Variants in KPNA5 observed in about 807,000 individuals in gnomAD.
The protein encoded by KPNA5 is karyopherin subunit alpha 5, also known as importin subunit alpha-6.
A neutral mutation model predicts 71.3 loss-of-function variants in KPNA5; 46 were observed. The ratio of observed to expected loss-of-function variants is 0.65; its 90% confidence interval spans 0.51 to 0.83. KPNA5 has a LOEUF of 0.83. Ranked by LOEUF, KPNA5 falls within the 40% of genes least tolerant of loss-of-function variation. The pLI, the probability that KPNA5 is intolerant of heterozygous loss-of-function variation, is 0.00. For missense variants in KPNA5, 547 were observed against 628.3 expected, an observed-to-expected ratio of 0.87 and a Z score of 1.38; for synonymous variants, 207 against 201.4, an observed-to-expected ratio of 1.03 and a Z score of -0.24.
At chr6:116,701,456 G>C (rs1778227520) in intron 5 of KPNA5, among the ~76,000 whole-genome samples, 1 of 152,036 alleles carries the variant, frequency 6.6e-6, no homozygotes, top group African/African-American at 2.4e-5. Context: ...ACTTCTCAGA[G>C]ACTCTGCAGC....
intron 13 of KPNA5, among the ~76,000 whole-genome samples, chr6:116,731,302 G>A (rs1562458119): frequency 6.6e-6 from 1 of 151,880 alleles, no homozygotes; most frequent in African/African-American, 2.4e-5. Flanking sequence ...TAACATCACT[G>A]GATAAGACAT....
At chr6:116,681,760 C>G (rs1341653043) in intron 1 of KPNA5, among the ~76,000 whole-genome samples, 1 of 152,136 alleles carries the variant, frequency 6.6e-6, no homozygotes, top group African/African-American at 2.4e-5. Context: ...TCCCGAGGGC[C>G]TCCTAGCCTC....
rs952899703 is a variant in KPNA5, at chr6:116,714,275, C to T, written c.657-1944C>T. Among the ~76,000 whole-genome samples, 6 of 152,248 alleles carry T rather than the reference C, an allele frequency of 3.9e-5. No individual in the cohort carries two copies. The South Asian group carries it at 6.2e-4, about 16-fold the overall frequency. Reference sequence around the variant, plus strand: ...TATAAAGCCTCTATTCCTTGTCATGCGTGGTCTCTGAAATCTCTTTTCCCT... The same window carrying T: ...TATAAAGCCTCTATTCCTTGTCATGTGTGGTCTCTGAAATCTCTTTTCCCT... On this transcript the variant is annotated intron_variant, in intron 7 of 13. Transcript: ENST00000368564.
intron 8 of KPNA5, among the ~76,000 whole-genome samples, chr6:116,718,266 CTTT>C (rs555910312): frequency 2.2e-5 from 3 of 138,008 alleles, no homozygotes; most frequent in Non-Finnish European, 1.6e-5. Flanking sequence ...TTTTTTTTTT[CTTT>C]TTTTTTTTTT....
At chr6:116,693,323 C>A (rs958394104) in intron 4 of KPNA5, among the ~76,000 whole-genome samples, 12 of 152,204 alleles carry the variant, frequency 7.9e-5, no homozygotes, top group South Asian at 6.2e-4. Flanking sequence ...TGACTTCCAC[C>A]ATGGTTGAAC....
chr6:116,717,891 C>A (rs543117221), intron 8 of KPNA5, among the ~76,000 whole-genome samples: 18 of 152,188 alleles, frequency 1.2e-4, no homozygotes, highest in African/African-American at 3.9e-4. Context: ...GTGTGCCCCC[C>A]CCACCGCCAG....
At chr6:116,706,861 A>G (rs1778461523) in intron 7 of KPNA5, among the ~76,000 whole-genome samples, 1 of 152,008 alleles carries the variant, frequency 6.6e-6, no homozygotes, top group South Asian at 2.1e-4. Flanking sequence ...AAAAATTTTC[A>G]GCTTAAAAAA....
Position 116,689,337 on chromosome 6 carries a change from G to C in KPNA5, c.22G>C (p.Gly8Arg). Reference sequence around the variant, plus strand: ...CCTTTAAGATGCCATGGCTAGTCCAGGGAAAGATAACTATAGAATGAAAAG... The same window carrying C: ...CCTTTAAGATGCCATGGCTAGTCCACGGAAAGATAACTATAGAATGAAAAG... Reference protein sequence around the residue: MDAMASPGKDNYRMKSYK... With the variant: MDAMASPRKDNYRMKSYK... The change falls in exon 2 of 14, where the codon GGG (glycine) becomes CGG (arginine). Residue 8 changes from glycine to arginine, a missense_variant. Physicochemically the swap from Gly to Arg is moderately radical, Grantham distance 125. Coordinates refer to ENST00000368564, the MANE Select transcript of KPNA5 (RefSeq NM_001366306.2). The C allele has an allele frequency of 6.2e-7, 1 of 1,603,348 alleles. No homozygotes were observed. Among genetic ancestry groups the C allele is most frequent in the Non-Finnish European group, 8.5e-7 (1 of 1,177,156 alleles).
chr6:116,710,893 ATTTT>A (rs67301038), intron 7 of KPNA5, among the ~76,000 whole-genome samples: 26 of 86,726 alleles, frequency 3.0e-4, no homozygotes, highest in African/African-American at 1.1e-3. Context: ...ATATATATAT[ATTTT>A]TTTTTTTTTT....
chr6:116,725,998 A>G, intron 11 of KPNA5, 122 bp downstream of exon 11: 1 of 1,077,296 alleles, frequency 9.3e-7, no homozygotes, highest in Admixed American at 2.7e-5. Context: ...TATTTTAAAG[A>G]ACATGGGCTT....
rs1385285970 is a variant in KPNA5, at chr6:116,739,065, C to T, written c.*6742C>T. The T allele has an allele frequency of 1.8e-4, 27 of 151,856 alleles. No homozygotes were observed. The highest frequency in any genetic ancestry group is 3.7e-4 in the Non-Finnish European group (25 of 67,950). The allele number at this position is 151,856 out of a possible 1,614,324, so 9.4% of individuals were successfully genotyped here. The stretch of plus-strand genomic sequence containing the variant: ...TAGGAAAAGAGGAAATCAAATTGTC[C>T]CTGTTTGCAGATGACATGATTGTAT... On this transcript the variant is annotated 3_prime_UTR_variant, in exon 14 of 14. Transcript: ENST00000368564.
chr6:116,729,747 C>A lies in KPNA5; in HGVS notation c.1432+6C>A. On this transcript the variant is annotated splice_donor_region_variant and intron_variant, in intron 13 of 13. Coordinates refer to ENST00000368564, the MANE Select transcript of KPNA5 (RefSeq NM_001366306.2). ...TCTCATTGAAGAAGCATATGGTAAG[C>A]AATCAGTTAAAAATTTGCAATTATA... is the stretch of plus-strand genomic sequence containing the variant. The A allele has an allele frequency of 6.8e-7, 1 of 1,476,874 alleles. No homozygotes were observed. The highest frequency in any genetic ancestry group is 1.5e-5 in the South Asian group (1 of 68,142). The allele number at this position is 1,476,874 out of a possible 1,614,324, so 91.5% of individuals were successfully genotyped here.
At chr6:116,697,379 T>G (rs1277831985) in intron 4 of KPNA5, among the ~76,000 whole-genome samples, 1 of 152,004 alleles carries the variant, frequency 6.6e-6, no homozygotes, top group Non-Finnish European at 1.5e-5. Context: ...CTGCAGAAAT[T>G]TTCTAAATTT....
chr6:116,730,443 CTGT>C (rs1779441798), intron 13 of KPNA5, among the ~76,000 whole-genome samples: 1 of 152,032 alleles, frequency 6.6e-6, no homozygotes, highest in South Asian at 2.1e-4. Context: ...TAACCATAAC[CTGT>C]TGTTGACCAT....
At position 116,741,406 on chromosome 6, in the gene KPNA5, A is replaced by T. The variant is rs1168630521; in HGVS notation, c.*9083A>T. ...ATTTGTACATTTATGTGCTAAAAGT[A>T]CAGAACAATAGTTGACATTTTCAGA... On this transcript the variant is annotated 3_prime_UTR_variant, in exon 14 of 14. Transcript: ENST00000368564. 6 of 152,140 alleles carry T rather than the reference A, an allele frequency of 3.9e-5. No homozygotes were observed. The highest frequency in any genetic ancestry group is 7.4e-5 in the Non-Finnish European group (5 of 68,020). The allele number at this position is 152,140 out of a possible 1,614,324, so 9.4% of individuals were successfully genotyped here.
rs1428278101 is a variant in KPNA5 at position 116,734,816 on chromosome 6, CT to C, written c.*2499del. 6.6e-6 allele frequency: 1 copy of C among 150,994 alleles called. No homozygotes were observed. The highest frequency in any genetic ancestry group is 2.4e-5 in the African/African-American group (1 of 41,224). The allele number at this position is 150,994 out of a possible 1,614,324, so 9.4% of individuals were successfully genotyped here. A position where few individuals can be genotyped will look rare whatever the true frequency, so the allele number is the denominator to read the frequency against. ...ACTGGCCCTTGTGGGAGGAAAAATACTTTTTTAACTTGCTTTTCTAAGATTT... is the reference window on the plus strand; with the variant it reads ...ACTGGCCCTTGTGGGAGGAAAAATACTTTTTAACTTGCTTTTCTAAGATTT... On this transcript the variant is annotated 3_prime_UTR_variant, in exon 14 of 14. Coordinates refer to ENST00000368564, the MANE Select transcript of KPNA5 (RefSeq NM_001366306.2).
chr6:116,725,685 A>G, intron 10 of KPNA5, 66 bp from the exon 11 acceptor site: 1 of 1,334,674 alleles, frequency 7.5e-7, no homozygotes, highest in East Asian at 2.5e-5. Context: ...TAAATAATTC[A>G]TTAGTAGATT....
Position 116,740,319 on chromosome 6 carries a change from G to T in KPNA5, c.*7996G>T, listed in dbSNP as rs950819893. 4.5e-4 allele frequency: 69 copies of T among 152,292 alleles called. No homozygotes were observed. The highest frequency in any genetic ancestry group is 3.4e-3 in the Middle Eastern group (1 of 294). The allele number at this position is 152,292 out of a possible 1,614,324, so 9.4% of individuals were successfully genotyped here. On this transcript the variant is annotated 3_prime_UTR_variant, in exon 14 of 14. Coordinates refer to ENST00000368564, the MANE Select transcript of KPNA5 (RefSeq NM_001366306.2). The stretch of plus-strand genomic sequence containing the variant: ...ATACCATCTCACACCAGTCAGAATG[G>T]CAATCATTAAAAAGTCAGGAAACAA...
rs1779879867 is a variant in KPNA5 at position 116,741,849 on chromosome 6, A to G, written c.*9526A>G. 1 of 152,180 alleles carries G rather than the reference A, an allele frequency of 6.6e-6. No individual in the cohort carries two copies. Among genetic ancestry groups the G allele is most frequent in the Non-Finnish European group, 1.5e-5 (1 of 68,008 alleles). The allele number at this position is 152,180 out of a possible 1,614,324, so 9.4% of individuals were successfully genotyped here. A position where few individuals can be genotyped will look rare whatever the true frequency, so the allele number is the denominator to read the frequency against. ...GTCCTTCAGTCACAATTCCAGAATA[A>G]AAGAATCTACTTTGTGTATTAATGT... is the stretch of plus-strand genomic sequence containing the variant. On this transcript the variant is annotated 3_prime_UTR_variant, in exon 14 of 14. Transcript: ENST00000368564.
Sources: gnomAD v4.1 joint callset for allele counts (sites outside exome capture counted in the v4.1 genomes callset) on GRCh38, gnomAD v4.1.1 for gene constraint, MANE v1.5 for transcripts, NCBI Gene and HGNC (gene_info 2026-07-23, HGNC 2026-07-21) for gene names.